Variants in BEST3 observed in about 807,000 individuals in gnomAD.
BEST3 encodes the protein bestrophin 3.
BEST3 carries 50 observed loss-of-function variants against 47.1 expected under a neutral mutation model. That is an observed-to-expected ratio of 1.06 (90% CI 0.85 to 1.34). The LOEUF is 1.34. Among genes scored for constraint, BEST3 ranks in the 40% most tolerant of loss-of-function variants. The pLI is 0.00. For synonymous variants in BEST3, 282 were observed against 298.8 expected, an observed-to-expected ratio of 0.94 and a Z score of 0.58; for missense variants, 765 against 817.0, an observed-to-expected ratio of 0.94 and a Z score of 0.78.
chr12:69,679,645 G>A (rs916481120), intron 4 of BEST3, among the ~76,000 whole-genome samples: 5 of 152,194 alleles, frequency 3.3e-5, no homozygotes, highest in African/African-American at 1.2e-4. Flanking sequence ...TGGATCACTT[G>A]AGGTCAGGAG....
chr12:69,663,013 T>G (rs1037161353), intron 9 of BEST3, among the ~76,000 whole-genome samples: 1 of 152,140 alleles, frequency 6.6e-6, no homozygotes, highest in Admixed American at 6.6e-5. Flanking sequence ...TTTGTTAGGG[T>G]TTTTCCAAGG....
downstream of BEST3, chr12:69,643,515 T>A: frequency 2.3e-6 from 1 of 428,620 alleles, no homozygotes; most frequent in Non-Finnish European, 4.2e-6. Flanking sequence ...GAGTGAAAAT[T>A]ACCATTAAAA....
In BEST3 at chr12:69,645,347, C is replaced by T. The variant is rs114246701; in HGVS notation, c.1101-1560G>A. Among the ~76,000 whole-genome samples the T allele has an allele frequency of 8.4e-3, 1,277 of 152,244 alleles. 21 individuals are homozygous for T. Among genetic ancestry groups the T allele is most frequent in the African/African-American group, 0.029 (1,207 of 41,530 alleles). On this transcript the variant is annotated intron_variant, in intron 9 of 9. Transcript: ENST00000331471. ...CTAGTTTCCTTACCTATAAAATGGG[C>T]ATAGAGATACTTCACAGCTTGTTAA...
downstream of BEST3, among the ~76,000 whole-genome samples, chr12:69,648,858 A>T (rs74793652): frequency 8.5e-5 from 13 of 152,338 alleles, no homozygotes. Context: ...TCCTTTCTAC[A>T]TAAAGTACCA....
chr12:69,690,805 T>C (rs1201221912), intron 4 of BEST3, among the ~76,000 whole-genome samples: 1 of 152,222 alleles, frequency 6.6e-6, no homozygotes, highest in Non-Finnish European at 1.5e-5. Flanking sequence ...AAGATAAAAT[T>C]GAGCTGTCTA....
At chr12:69,662,100 G>A (rs924582135) in intron 9 of BEST3, among the ~76,000 whole-genome samples, 4 of 152,128 alleles carry the variant, frequency 2.6e-5, no homozygotes, top group African/African-American at 9.7e-5. Context: ...AAAACTGATT[G>A]CCCATGGTGA....
rs1161399246 is a variant in BEST3 at position 69,684,545 on chromosome 12, C to A, written c.482-5652G>T. 6.0e-6 allele frequency: 4 copies of A among 672,240 alleles called. No individual in the cohort carries two copies. The Admixed American group carries it at 8.1e-5, about 14-fold the overall frequency. 41.6% of individuals were successfully genotyped at this position (672,240 alleles called of 1,614,324 possible). Reference sequence around the variant, plus strand: ...GAGTATTCAAACGAGGCTCTATTAGCAGAGGAACTAAAAGCTCTGCATCTC... The same window carrying A: ...GAGTATTCAAACGAGGCTCTATTAGAAGAGGAACTAAAAGCTCTGCATCTC... On this transcript the variant is annotated intron_variant, in intron 4 of 9. Transcript: ENST00000330891.
chr12:69,671,847 T>A (rs549506781), intron 8 of BEST3, among the ~76,000 whole-genome samples: 1 of 152,194 alleles, frequency 6.6e-6, no homozygotes, highest in South Asian at 2.1e-4. Context: ...TAGAGTGGAG[T>A]TGCCTCTTAG....
At chr12:69,667,774 G>A (rs1384570288) in intron 9 of BEST3, among the ~76,000 whole-genome samples, 1 of 152,120 alleles carries the variant, frequency 6.6e-6, no homozygotes, top group Non-Finnish European at 1.5e-5. Context: ...CTGTGAGCTT[G>A]GGAGGTGTTT....
chr12:69,689,366 G>T, intron 4 of BEST3: 1 of 540,460 alleles, frequency 1.9e-6, no homozygotes, highest in Non-Finnish European at 2.4e-6. Flanking sequence ...GGCCTCCGAA[G>T]CGTCTCTCCT....
intron 4 of BEST3, among the ~76,000 whole-genome samples, chr12:69,686,804 A>C (rs1885640753): frequency 6.6e-6 from 1 of 151,768 alleles, no homozygotes. Context: ...GAAAAGAAAA[A>C]AAGAAAGAAG....
In BEST3 at chr12:69,654,695, C is replaced by CCATGTTGTGTTGGATGACGTGAATG; in HGVS notation, c.*187_*211dup. ...TGGTCTGTGTAACTTCTGATGAAAG[C>CCATGTTGTGTTGGATGACGTGAATG]CATGTTGTGTTGGATGACGTGAATG... is the stretch of plus-strand genomic sequence containing the variant. On this transcript the variant is annotated 3_prime_UTR_variant, in exon 10 of 10. Transcript: ENST00000330891. 7.6e-7 allele frequency: 1 copy of CCATGTTGTGTTGGATGACGTGAATG among 1,316,106 alleles called. No individual in the cohort carries two copies. The allele number at this position is 1,316,106 out of a possible 1,614,324, so 81.5% of individuals were successfully genotyped here.
At chr12:69,667,412 C>T (rs1045767638) in intron 9 of BEST3, among the ~76,000 whole-genome samples, 2 of 152,190 alleles carry the variant, frequency 1.3e-5, no homozygotes, top group Non-Finnish European at 2.9e-5. Context: ...ATTCTCCTGC[C>T]TCAGCCTCCT....
Position 69,697,767 on chromosome 12 carries a change from T to C in BEST3, c.32A>G (p.Asn11Ser), listed in dbSNP as rs750047522. MTVTYSSKVANATFFGFHRLL... is the reference protein window; with the variant it reads MTVTYSSKVASATFFGFHRLL... ...CCTATGAAATCCAAAAAAAGTTGCATTTGCTACTTTACTGGAGTAAGTGAC... is the reference window on the plus strand; with the variant it reads ...CCTATGAAATCCAAAAAAAGTTGCACTTGCTACTTTACTGGAGTAAGTGAC... The change falls in exon 2 of 10, where the codon AAT becomes AGT. Residue 11 changes from asparagine to serine, a missense_variant. Transcript: ENST00000330891. 6.2e-7 allele frequency: 1 copy of C among 1,612,614 alleles called. No individual in the cohort carries two copies. Among genetic ancestry groups the C allele is most frequent in the South Asian group, 1.1e-5 (1 of 90,696 alleles).
chr12:69,693,570 AT>A (rs1886011774), intron 4 of BEST3, 103 bp downstream of exon 4: 4 of 1,022,632 alleles, frequency 3.9e-6, no homozygotes, highest in Non-Finnish European at 5.8e-6. Context: ...CAACCAATAA[AT>A]GTTTCTTGAG....
intron 4 of BEST3, chr12:69,684,450 C>T (rs1357616647): frequency 6.2e-6 from 3 of 483,884 alleles, no homozygotes; most frequent in Non-Finnish European, 1.2e-5. Context: ...CATAGAGATT[C>T]TGCCTGCTGT....
Position 69,659,301 on chromosome 12 carries a change from A to C in BEST3, c.1101-3488T>G, listed in dbSNP as rs1479103133. ...CTTTCTCTGGTAGCCACTATTCCCAATATGACAGCAGAAGCTGTGCTTTAA... is the reference window on the plus strand; with the variant it reads ...CTTTCTCTGGTAGCCACTATTCCCACTATGACAGCAGAAGCTGTGCTTTAA... On this transcript the variant is annotated intron_variant, in intron 9 of 9. Coordinates refer to ENST00000330891, the MANE Select transcript of BEST3 (RefSeq NM_032735.3). Among the ~76,000 whole-genome samples the C allele has an allele frequency of 2.0e-5, 3 of 152,290 alleles. No homozygotes were observed. In the East Asian group the frequency reaches 5.8e-4, roughly 29 times the overall value.
intron 4 of BEST3, 116 bp downstream of exon 4, chr12:69,693,558 C>G: frequency 3.3e-6 from 3 of 919,440 alleles, no homozygotes; most frequent in Non-Finnish European, 4.9e-6. Flanking sequence ...AGCCACCGCG[C>G]CCAACCAATA....
chr12:69,676,288 C>T (rs966875728), intron 7 of BEST3, among the ~76,000 whole-genome samples: 7 of 152,040 alleles, frequency 4.6e-5, no homozygotes, highest in Admixed American at 3.9e-4. Flanking sequence ...CGCGGTGGCT[C>T]ACGCCTGTAA....
Sources: gnomAD v4.1 joint callset for allele counts (sites outside exome capture counted in the v4.1 genomes callset) on GRCh38, gnomAD v4.1.1 for gene constraint, MANE v1.5 for transcripts, NCBI Gene and HGNC (gene_info 2026-07-23, HGNC 2026-07-21) for gene names.